FAM13A: variants seen among roughly 807,000 people sequenced by gnomAD.
The protein encoded by FAM13A is family with sequence similarity 13 member A, also known as protein FAM13A.
Under a neutral mutation model 129.6 loss-of-function variants are expected in FAM13A, and 76 were observed. The observed-to-expected ratio is 0.59, with a 90% CI of 0.49 to 0.71. The LOEUF is 0.71. Among genes scored for constraint, FAM13A ranks in the 30% least tolerant of loss-of-function variants. The pLI, the probability that FAM13A is intolerant of heterozygous loss-of-function variation, is 0.00. For synonymous variants in FAM13A, 443 were observed against 449.9 expected, an observed-to-expected ratio of 0.98 and a Z score of 0.20; for missense variants, 1,108 against 1,249.3, an observed-to-expected ratio of 0.89 and a Z score of 1.70.
At chr4:88,922,278 C>G (rs1383306489) in intron 5 of FAM13A, among the ~76,000 whole-genome samples, 2 of 151,626 alleles carry the variant, frequency 1.3e-5, no homozygotes, top group African/African-American at 4.9e-5. Flanking sequence ...ACACCTATTC[C>G]AAAATTGACC....
intron 8 of FAM13A, among the ~76,000 whole-genome samples, chr4:88,802,757 C>T (rs974208604): frequency 1.3e-5 from 2 of 152,166 alleles, no homozygotes; most frequent in African/African-American, 4.8e-5. Flanking sequence ...CCTCTTCACA[C>T]GCTCTCCGTC....
At chr4:88,757,559 A>C (rs1239626368) in intron 14 of FAM13A, among the ~76,000 whole-genome samples, 6 of 152,196 alleles carry the variant, frequency 3.9e-5, no homozygotes, top group African/African-American at 1.4e-4. Flanking sequence ...CTGAAATTAC[A>C]AATTAAACAA....
intron 11 of FAM13A, among the ~76,000 whole-genome samples, chr4:88,770,582 A>T (rs1327755466): frequency 6.6e-6 from 1 of 152,202 alleles, no homozygotes; most frequent in Non-Finnish European, 1.5e-5. Flanking sequence ...AATAAAATAA[A>T]AAAGAAATAT....
intron 14 of FAM13A, among the ~76,000 whole-genome samples, chr4:88,756,637 G>C (rs1443726960): frequency 2.6e-5 from 4 of 152,094 alleles, no homozygotes; most frequent in East Asian, 1.9e-4. Flanking sequence ...TGTTGCACTG[G>C]CTTCACATTC....
At chr4:88,919,771 G>C (rs1750711450) in intron 5 of FAM13A, among the ~76,000 whole-genome samples, 1 of 152,238 alleles carries the variant, frequency 6.6e-6, no homozygotes, top group Non-Finnish European at 1.5e-5. Flanking sequence ...AAGCGCAAAG[G>C]GTCAGGGAGT....
chr4:88,988,137 C>T (rs1762501158), intron 4 of FAM13A, among the ~76,000 whole-genome samples: 1 of 151,832 alleles, frequency 6.6e-6, no homozygotes, highest in African/African-American at 2.4e-5. Context: ...AGGAACTTAA[C>T]ATTAAATTAA....
At chr4:89,036,907 A>G (rs1769458974) in intron 1 of FAM13A, among the ~76,000 whole-genome samples, 1 of 152,246 alleles carries the variant, frequency 6.6e-6, no homozygotes, top group Admixed American at 6.5e-5. Context: ...CACAGAGGGC[A>G]AAAGTTGAGG....
intron 4 of FAM13A, among the ~76,000 whole-genome samples, chr4:88,968,658 C>G (rs1759663257): frequency 6.6e-6 from 1 of 152,122 alleles, no homozygotes; most frequent in Non-Finnish European, 1.5e-5. Flanking sequence ...TTCCATTAAT[C>G]CCCTTTTCTC....
chr4:88,791,487 T>C (rs967333253), intron 8 of FAM13A, among the ~76,000 whole-genome samples: 1 of 152,104 alleles, frequency 6.6e-6, no homozygotes, highest in African/African-American at 2.4e-5. Context: ...ATTCTCACAA[T>C]CTGCCCTCTA....
At chr4:88,803,202 C>T (rs1027952128) in intron 8 of FAM13A, among the ~76,000 whole-genome samples, 8 of 152,240 alleles carry the variant, frequency 5.3e-5, no homozygotes, top group Admixed American at 4.6e-4. Context: ...ACTATTTTTG[C>T]ATTTGTGAAA....
At chr4:89,009,278 G>A (rs1405016854) in intron 3 of FAM13A, among the ~76,000 whole-genome samples, 1 of 152,162 alleles carries the variant, frequency 6.6e-6, no homozygotes, top group African/African-American at 2.4e-5. Context: ...CTGCTTCTCT[G>A]ATTACAGATT....
At chr4:88,995,033 A>G (rs1216657148) in intron 3 of FAM13A, among the ~76,000 whole-genome samples, 3 of 151,774 alleles carry the variant, frequency 2.0e-5, no homozygotes, top group Admixed American at 6.6e-5. Context: ...TCCAAAATGT[A>G]TATTTGTTGC....
chr4:88,823,485 C>T (rs927557150), intron 7 of FAM13A: 1 of 208,224 alleles, frequency 4.8e-6, no homozygotes, highest in African/African-American at 2.4e-5. Flanking sequence ...GATTTTCAGT[C>T]TGGGGCAAGC....
chr4:88,804,682 C>G (rs2149743432), intron 8 of FAM13A, among the ~76,000 whole-genome samples: 1 of 146,380 alleles, frequency 6.8e-6, no homozygotes, highest in African/African-American at 2.5e-5. Context: ...CCCCCACTAA[C>G]CTATGCATAT....
chr4:88,809,525 A>G (rs1729230271), intron 7 of FAM13A, among the ~76,000 whole-genome samples: 1 of 152,138 alleles, frequency 6.6e-6, no homozygotes, highest in South Asian at 2.1e-4. Flanking sequence ...AAAACAAAAC[A>G]AGGAGCAAAA....
intron 4 of FAM13A, among the ~76,000 whole-genome samples, chr4:88,979,070 G>A (rs988908254): frequency 1.3e-5 from 2 of 152,134 alleles, no homozygotes; most frequent in African/African-American, 4.8e-5. Context: ...AGAGTGAAAA[G>A]CAATGTACAA....
At chr4:88,731,866 C>A in intron 22 of FAM13A, 136 bp downstream of exon 22, 1 of 704,876 alleles carries the variant, frequency 1.4e-6, no homozygotes. Context: ...TTTAAAAAAT[C>A]ACCGTTTTAT....
At chr4:88,823,280 C>T (rs1732401439) in intron 7 of FAM13A, 6 of 1,243,402 alleles carry the variant, frequency 4.8e-6, no homozygotes, top group Non-Finnish European at 6.1e-6. Flanking sequence ...GCTGAACCAC[C>T]GGGCCAATCA....
intron 14 of FAM13A, 135 bp downstream of exon 14, chr4:88,758,619 G>T: frequency 1.2e-6 from 1 of 869,566 alleles, no homozygotes; most frequent in Non-Finnish European, 1.7e-6. Context: ...AGGATTTTCG[G>T]TCATTTGGAA....
Sources: gnomAD v4.1 joint callset for allele counts (sites outside exome capture counted in the v4.1 genomes callset) on GRCh38, gnomAD v4.1.1 for gene constraint, MANE v1.5 for transcripts, NCBI Gene and HGNC (gene_info 2026-07-23, HGNC 2026-07-21) for gene names.